Variants in ZNF521 observed in about 807,000 individuals in gnomAD.
The protein encoded by ZNF521 is zinc finger protein 521.
Under a neutral mutation model 105.5 loss-of-function variants are expected in ZNF521, and 14 were observed. That is an observed-to-expected ratio of 0.13 (90% CI 0.09 to 0.21). ZNF521 has a LOEUF of 0.21. ZNF521 is among the 10% of genes least tolerant of loss of function. The probability of loss-of-function intolerance (pLI) is 1.00; values close to 1 mark genes in which losing one functional copy is unlikely to be tolerated. For synonymous variants in ZNF521, 635 were observed against 606.0 expected (o/e 1.05, Z -0.70); for missense variants, 1,233 against 1,629.7 (o/e 0.76, Z 4.19).
intron 3 of ZNF521, among the ~76,000 whole-genome samples, chr18:25,275,859 C>G (rs1001879543): frequency 6.6e-6 from 1 of 152,076 alleles, no homozygotes; most frequent in Admixed American, 6.5e-5. Context: ...CACCAGCATA[C>G]GCAGTGATCC....
chr18:25,152,232 A>G (rs2035061051), intron 5 of ZNF521, among the ~76,000 whole-genome samples: 1 of 152,160 alleles, frequency 6.6e-6, no homozygotes, highest in African/African-American at 2.4e-5. Context: ...TAATCTCAAC[A>G]CTTTGGGAGG....
chr18:25,238,557 C>T (rs1187458490), intron 3 of ZNF521, among the ~76,000 whole-genome samples: 1 of 152,220 alleles, frequency 6.6e-6, no homozygotes, highest in East Asian at 1.9e-4. Context: ...AAAAAAGACA[C>T]AGTCAAACTG....
chr18:25,145,070 G>GA (rs935140668), intron 5 of ZNF521, among the ~76,000 whole-genome samples: 1 of 152,098 alleles, frequency 6.6e-6, no homozygotes, highest in African/African-American at 2.4e-5. Context: ...CTTTCATGCT[G>GA]AAAAAAACTA....
intron 5 of ZNF521, among the ~76,000 whole-genome samples, chr18:25,145,932 G>C (rs2034933681): frequency 6.6e-6 from 1 of 152,130 alleles, no homozygotes. Flanking sequence ...GGCCTTCTAG[G>C]ATATGACAAC....
intron 5 of ZNF521, among the ~76,000 whole-genome samples, chr18:25,093,661 G>A (rs757355195): frequency 2.4e-4 from 36 of 152,080 alleles, no homozygotes; most frequent in Non-Finnish European, 4.7e-4. Flanking sequence ...CACTAATTAA[G>A]CCACCCAGTA....
At chr18:25,326,134 T>C (rs1471195160) in intron 2 of ZNF521, among the ~76,000 whole-genome samples, 1 of 152,182 alleles carries the variant, frequency 6.6e-6, no homozygotes, top group African/African-American at 2.4e-5. Context: ...TTATAACCTA[T>C]ATAAAAGTCA....
At chr18:25,137,370 A>C (rs2034755599) in intron 5 of ZNF521, among the ~76,000 whole-genome samples, 1 of 152,150 alleles carries the variant, frequency 6.6e-6, no homozygotes, top group Non-Finnish European at 1.5e-5. Context: ...TACTGTTAGA[A>C]CTGGGATATT....
At chr18:25,212,538 A>AAAT (rs1555647923) in intron 4 of ZNF521, among the ~76,000 whole-genome samples, 11 of 48,146 alleles carry the variant, frequency 2.3e-4, no homozygotes, top group South Asian at 1.0e-3. Context: ...AAAAAAAAAA[A>AAAT]ATATATATAT....
chr18:25,233,699 G>C (rs1392759988), intron 3 of ZNF521, among the ~76,000 whole-genome samples: 3 of 140,190 alleles, frequency 2.1e-5, no homozygotes, highest in Admixed American at 1.5e-4. Flanking sequence ...ATACTCCCTA[G>C]TAAAAAAGAG....
At chr18:25,072,524 G>T (rs757535011) in intron 7 of ZNF521, among the ~76,000 whole-genome samples, 19 of 152,140 alleles carry the variant, frequency 1.2e-4, no homozygotes, top group Non-Finnish European at 2.5e-4. Flanking sequence ...GTACTACCTT[G>T]AGAGTGGGGG....
chr18:25,230,919 T>C (rs1168401280), intron 3 of ZNF521, among the ~76,000 whole-genome samples: 1 of 152,188 alleles, frequency 6.6e-6, no homozygotes, highest in Non-Finnish European at 1.5e-5. Context: ...CTGTACTTGC[T>C]GAGTTTCACC....
rs904724544 is a variant in ZNF521, at chr18:25,293,351, T to C, written c.220+28657A>G. Among the ~76,000 whole-genome samples the C allele has an allele frequency of 2.1e-3, 295 of 143,232 alleles. 1 individual carries two copies. The highest frequency in any genetic ancestry group is 7.0e-3 in the African/African-American group (272 of 38,874). 94.0% of individuals were successfully genotyped at this position (143,232 alleles called of 152,430 possible). ...ATTTTCTTGCTTGCACATGTACACA[T>C]ACACACACACACACACACACACACA... is the stretch of plus-strand genomic sequence containing the variant. On this transcript the variant is annotated intron_variant, in intron 3 of 7. Transcript: ENST00000361524.
chr18:25,262,318 T>C (rs1908965640), intron 3 of ZNF521, among the ~76,000 whole-genome samples: 2 of 152,228 alleles, frequency 1.3e-5, no homozygotes, highest in Non-Finnish European at 1.5e-5. Flanking sequence ...TACATTCACA[T>C]GGTATAGTAC....
intron 5 of ZNF521, among the ~76,000 whole-genome samples, chr18:25,168,954 G>GGT (rs33910445): frequency 0.037 from 5,492 of 150,300 alleles, 146 homozygotes; most frequent in African/African-American, 0.079. Flanking sequence ...CTGTGTCTGG[G>GGT]GTGTGTGTGT....
intron 7 of ZNF521, among the ~76,000 whole-genome samples, chr18:25,085,562 C>A (rs2033602124): frequency 6.6e-6 from 1 of 151,774 alleles, no homozygotes; most frequent in Non-Finnish European, 1.5e-5. Context: ...GAAGGTAACA[C>A]ACCACTATAT....
In ZNF521 at chr18:25,322,563, T is replaced by C. The variant is rs965620040; in HGVS notation, c.41-376A>G. ...AAAAAAAAAAAAAAAACCCCCCCAC[T>C]GTGCTTAAGAATGAACTCTTTTTCT... On this transcript the variant is annotated intron_variant, in intron 2 of 7. Coordinates refer to ENST00000361524, the MANE Select transcript of ZNF521 (RefSeq NM_015461.3). 6.3e-5 allele frequency among the ~76,000 whole-genome samples: 9 copies of C among 142,040 alleles called. No homozygotes were observed. In the South Asian group the frequency reaches 2.1e-3, roughly 33 times the overall value. 93.2% of individuals were successfully genotyped at this position (142,040 alleles called of 152,430 possible). A position where few individuals can be genotyped will look rare whatever the true frequency, so the allele number is the denominator to read the frequency against.
intron 2 of ZNF521, among the ~76,000 whole-genome samples, chr18:25,328,874 G>T (rs1404822459): frequency 1.3e-5 from 2 of 152,136 alleles, no homozygotes; most frequent in African/African-American, 2.4e-5. Context: ...TCTTTAACAT[G>T]AAATTTGGTA....
At chr18:25,336,246 T>C (rs2145192220) in intron 2 of ZNF521, among the ~76,000 whole-genome samples, 1 of 152,210 alleles carries the variant, frequency 6.6e-6, no homozygotes, top group East Asian at 1.9e-4. Context: ...AAAATGCTTG[T>C]AGACAAATTT....
chr18:25,249,081 T>A (rs1907926050), intron 3 of ZNF521, among the ~76,000 whole-genome samples: 2 of 152,168 alleles, frequency 1.3e-5, no homozygotes, highest in African/African-American at 4.8e-5. Flanking sequence ...AGCATTGTCT[T>A]ATATATTAAC....
Sources: gnomAD v4.1 joint callset for allele counts (sites outside exome capture counted in the v4.1 genomes callset) on GRCh38, gnomAD v4.1.1 for gene constraint, MANE v1.5 for transcripts, NCBI Gene and HGNC (gene_info 2026-07-23, HGNC 2026-07-21) for gene names.